LDLRAD4: variants seen among roughly 807,000 people sequenced by gnomAD.
The protein encoded by LDLRAD4 is low-density lipoprotein receptor class A domain-containing protein 4.
A neutral mutation model predicts 17.0 loss-of-function variants in LDLRAD4; 5 were observed. The observed-to-expected ratio is 0.29, with a 90% confidence interval of 0.15 to 0.62. The LOEUF (loss-of-function observed/expected upper bound fraction) is 0.62. LDLRAD4 is among the 20% of genes least tolerant of loss of function. LDLRAD4 has a pLI of 0.84. For synonymous variants in LDLRAD4, 168 were observed against 171.8 expected (o/e 0.98, Z 0.17); for missense variants, 340 against 424.7 (o/e 0.80, Z 1.75).
intron 1 of LDLRAD4, among the ~76,000 whole-genome samples, chr18:13,310,727 A>G (rs1359822958): frequency 1.3e-5 from 2 of 152,042 alleles, no homozygotes; most frequent in African/African-American, 4.8e-5. Context: ...GTGGGTTTTG[A>G]GCATCAGTTT....
At chr18:13,333,451 G>A (rs938917487) in intron 1 of LDLRAD4, among the ~76,000 whole-genome samples, 1 of 152,034 alleles carries the variant, frequency 6.6e-6, no homozygotes, top group Non-Finnish European at 1.5e-5. Flanking sequence ...TTCTTTTATG[G>A]ATCATGCCTT....
chr18:13,529,638 G>T (rs2094096259), intron 3 of LDLRAD4, among the ~76,000 whole-genome samples: 1 of 152,316 alleles, frequency 6.6e-6, no homozygotes, highest in East Asian at 1.9e-4. Context: ...AAGAAACAAA[G>T]GTTGAGCTGC....
At chr18:13,308,708 A>T (rs968911887) in intron 1 of LDLRAD4, among the ~76,000 whole-genome samples, 7 of 152,242 alleles carry the variant, frequency 4.6e-5, no homozygotes, top group African/African-American at 1.7e-4. Flanking sequence ...GTGGTTGTTG[A>T]ACTTTCTCTC....
chr18:13,321,290 CA>C (rs2081206153), intron 1 of LDLRAD4, among the ~76,000 whole-genome samples: 1 of 152,182 alleles, frequency 6.6e-6, no homozygotes, highest in Admixed American at 6.5e-5. Context: ...TCCTCCTGAA[CA>C]TTATGAGTCT....
At chr18:13,616,569 G>A (rs1010686591) in intron 3 of LDLRAD4, among the ~76,000 whole-genome samples, 11 of 152,192 alleles carry the variant, frequency 7.2e-5, no homozygotes, top group African/African-American at 2.7e-4. Flanking sequence ...TGTGGGCCCC[G>A]CACCAGACCC....
intron 1 of LDLRAD4, among the ~76,000 whole-genome samples, chr18:13,329,413 G>A (rs185287108): frequency 1.3e-5 from 2 of 152,308 alleles, no homozygotes; most frequent in African/African-American, 4.8e-5. Context: ...GAGTGAGGTT[G>A]TCTTTCCACA....
chr18:13,612,330 T>C, intron 3 of LDLRAD4: 1 of 1,097,300 alleles, frequency 9.1e-7, no homozygotes, highest in Non-Finnish European at 1.1e-6. Context: ...AGTAGTGCCC[T>C]GGGTGTACAG....
chr18:13,578,127 C>T (rs1226035890), intron 3 of LDLRAD4, among the ~76,000 whole-genome samples: 1 of 151,926 alleles, frequency 6.6e-6, no homozygotes, highest in Admixed American at 6.6e-5. Context: ...AGACTTTCAT[C>T]CCAAAGCAAT....
At chr18:13,344,765 T>TG (rs1361534797) in intron 1 of LDLRAD4, among the ~76,000 whole-genome samples, 41 of 152,120 alleles carry the variant, frequency 2.7e-4, no homozygotes, top group African/African-American at 9.2e-4. Context: ...CATTGAGCAG[T>TG]GTTTGTAGTT....
intron 1 of LDLRAD4, among the ~76,000 whole-genome samples, chr18:13,252,020 T>C (rs537457807): frequency 6.6e-6 from 1 of 152,246 alleles, no homozygotes; most frequent in Non-Finnish European, 1.5e-5. Flanking sequence ...TCTGTAGATA[T>C]ATGATTGTTT....
chr18:13,472,376 C>CTTCGA (rs1175261970), intron 3 of LDLRAD4: 1 of 152,276 alleles, frequency 6.6e-6, no homozygotes, highest in Non-Finnish European at 1.5e-5. Flanking sequence ...GTCATTTAAG[C>CTTCGA]TTTGATTTCA....
intron 1 of LDLRAD4, among the ~76,000 whole-genome samples, chr18:13,242,428 G>C (rs1270681748): frequency 1.3e-5 from 2 of 152,222 alleles, no homozygotes; most frequent in Non-Finnish European, 2.9e-5. Flanking sequence ...TCCAACTAAG[G>C]TAAGGCAGGC....
At chr18:13,487,920 G>C in intron 3 of LDLRAD4, 1 of 152,750 alleles carries the variant, frequency 6.5e-6, no homozygotes, top group Admixed American at 6.5e-5. Context: ...AGGGGGAGAT[G>C]GGAGAGGGCA....
intron 3 of LDLRAD4, among the ~76,000 whole-genome samples, chr18:13,473,070 C>G (rs1028651380): frequency 4.0e-5 from 6 of 151,302 alleles, no homozygotes; most frequent in Admixed American, 4.0e-4. Context: ...ACTGAGAACC[C>G]CCCGCCCCCG....
intron 4 of LDLRAD4, among the ~76,000 whole-genome samples, chr18:13,633,458 T>C (rs2041843195): frequency 6.6e-6 from 1 of 152,214 alleles, no homozygotes; most frequent in Non-Finnish European, 1.5e-5. Context: ...GTGCCCAGGC[T>C]GTTGGTGTCA....
chr18:13,548,857 A>T (rs1158722544), intron 3 of LDLRAD4, among the ~76,000 whole-genome samples: 1 of 152,250 alleles, frequency 6.6e-6, no homozygotes, highest in African/African-American at 2.4e-5. Context: ...GGCAGCGGCC[A>T]TTCTAGACAG....
chr18:13,373,227 G>C (rs958709487), intron 1 of LDLRAD4, among the ~76,000 whole-genome samples: 1 of 151,674 alleles, frequency 6.6e-6, no homozygotes, highest in Non-Finnish European at 1.5e-5. Context: ...TTTTCTCATC[G>C]CAGCAGTTGT....
chr18:13,476,024 T>C (rs1206330428), intron 3 of LDLRAD4, among the ~76,000 whole-genome samples: 1 of 151,776 alleles, frequency 6.6e-6, no homozygotes, highest in Admixed American at 6.6e-5. Flanking sequence ...TAGAATGGGG[T>C]GTTTGTCAGG....
chr18:13,323,000 G>A (rs1479049728), intron 1 of LDLRAD4, among the ~76,000 whole-genome samples: 1 of 152,036 alleles, frequency 6.6e-6, no homozygotes, highest in Non-Finnish European at 1.5e-5. Flanking sequence ...CAAACGCTTT[G>A]ACTCAATTTT....
Sources: gnomAD v4.1 joint callset for allele counts (sites outside exome capture counted in the v4.1 genomes callset) on GRCh38, gnomAD v4.1.1 for gene constraint, MANE v1.5 for transcripts, NCBI Gene and HGNC (gene_info 2026-07-23, HGNC 2026-07-21) for gene names.